The following ATRNL1 variants were observed in gnomAD, a reference collection of about 807,000 sequenced individuals.
ATRNL1 encodes the protein attractin-like protein 1.
ATRNL1 carries 95 observed loss-of-function variants against 182.7 expected under a neutral mutation model. The ratio of observed to expected loss-of-function variants is 0.52; its 90% confidence interval spans 0.44 to 0.62. The LOEUF is 0.62. ATRNL1 is among the 20% of genes least tolerant of loss of function. ATRNL1 has a pLI of 0.00. For synonymous variants in ATRNL1, 576 were observed against 568.3 expected (o/e 1.01, Z -0.19); for missense variants, 1,471 against 1,679.5 (o/e 0.88, Z 2.17).
In ATRNL1 at chr10:115,228,796, G is replaced by T. The variant is rs538692651; in HGVS notation, c.1533-12775G>T. Among the ~76,000 whole-genome samples the T allele has an allele frequency of 2.4e-5, 3 of 126,742 alleles. No individual in the cohort carries two copies. In the East Asian group the frequency reaches 6.7e-4, roughly 28 times the overall value. 83.1% of individuals were successfully genotyped at this position (126,742 alleles called of 152,430 possible). A position where few individuals can be genotyped will look rare whatever the true frequency, so the allele number is the denominator to read the frequency against. ...TTTTTTTTTTTTGAGATGAAGTTTC[G>T]CTCTTGTTTCCCAGGCTAGAGTGCA... On this transcript the variant is annotated intron_variant, in intron 9 of 28. Transcript: ENST00000355044.
At chr10:115,747,224 T>C (rs1948318114) in intron 27 of ATRNL1, among the ~76,000 whole-genome samples, 2 of 152,104 alleles carry the variant, frequency 1.3e-5, no homozygotes, top group African/African-American at 4.8e-5. Context: ...GGGTTCCAAT[T>C]CATTTCTATT....
chr10:115,409,548 A>G (rs1845029768), intron 20 of ATRNL1, among the ~76,000 whole-genome samples: 1 of 152,174 alleles, frequency 6.6e-6, no homozygotes. Context: ...TCCAATTTGG[A>G]TGCCTTTTAT....
At chr10:115,559,443 T>C (rs148463801) in intron 26 of ATRNL1, among the ~76,000 whole-genome samples, 2,700 of 77,810 alleles carry the variant, frequency 0.035, 51 homozygotes, top group East Asian at 0.092. Flanking sequence ...TGTGTGTGTG[T>C]GCGCGCGCGC....
intron 27 of ATRNL1, among the ~76,000 whole-genome samples, chr10:115,779,344 A>T (rs1221958892): frequency 6.6e-6 from 1 of 152,212 alleles, no homozygotes; most frequent in Non-Finnish European, 1.5e-5. Flanking sequence ...AGAAGTTAGG[A>T]CAGTGCTCTA....
chr10:115,539,542 A>G (rs1279951245), intron 25 of ATRNL1, among the ~76,000 whole-genome samples: 1 of 152,178 alleles, frequency 6.6e-6, no homozygotes, highest in Non-Finnish European at 1.5e-5. Context: ...GCAATTTGAA[A>G]CTTGGAAGTA....
intron 18 of ATRNL1, among the ~76,000 whole-genome samples, chr10:115,334,014 CT>C (rs1554935894): frequency 6.6e-6 from 1 of 152,072 alleles, no homozygotes; most frequent in African/African-American, 2.4e-5. Context: ...AGATTATTCC[CT>C]CTTTAGCTAT....
intron 16 of ATRNL1, among the ~76,000 whole-genome samples, chr10:115,301,157 G>A (rs150938737): frequency 2.0e-4 from 31 of 152,124 alleles, no homozygotes; most frequent in African/African-American, 6.0e-4. Context: ...GGATACTTGC[G>A]TTGCTTCTAC....
intron 26 of ATRNL1, among the ~76,000 whole-genome samples, chr10:115,698,829 C>G: frequency 6.6e-6 from 1 of 151,570 alleles, no homozygotes; most frequent in East Asian, 1.9e-4. Context: ...AGCAGCTATC[C>G]AGAAATGGCC....
chr10:115,795,617 T>G (rs1949635137), intron 27 of ATRNL1, among the ~76,000 whole-genome samples: 1 of 152,226 alleles, frequency 6.6e-6, no homozygotes, highest in Admixed American at 6.5e-5. Context: ...CTCAGGAAAC[T>G]TACAATCATG....
In ATRNL1 at chr10:115,619,059, C is replaced by T. The variant is rs143463655; in HGVS notation, c.3795+69523C>T. ...TTCTGTGACTGTACAGTAAGGTAGTCTTCATATGATTTCTTTGGCTGTAAT... is the reference window on the plus strand; with the variant it reads ...TTCTGTGACTGTACAGTAAGGTAGTTTTCATATGATTTCTTTGGCTGTAAT... On this transcript the variant is annotated intron_variant, in intron 26 of 28. Coordinates refer to ENST00000355044, the MANE Select transcript of ATRNL1 (RefSeq NM_207303.4). Among the ~76,000 whole-genome samples, 18 of 152,242 alleles carry T rather than the reference C, an allele frequency of 1.2e-4. No individual in the cohort carries two copies. In the East Asian group the frequency reaches 3.3e-3, roughly 28 times the overall value.
At chr10:115,106,682 CT>C (rs1844027720) in intron 1 of ATRNL1, among the ~76,000 whole-genome samples, 4 of 152,282 alleles carry the variant, frequency 2.6e-5, no homozygotes, top group Non-Finnish European at 5.9e-5. Context: ...GGTGTTTCTG[CT>C]TTTGCTTCTT....
intron 26 of ATRNL1, among the ~76,000 whole-genome samples, chr10:115,667,760 G>A (rs1555040141): frequency 6.6e-6 from 1 of 151,780 alleles, no homozygotes; most frequent in Non-Finnish European, 1.5e-5. Context: ...GGGCTCAAGT[G>A]ATCCTCCTAC....
In ATRNL1 at chr10:115,773,800, C is replaced by T. The variant is rs1949052875; in HGVS notation, c.3903+46445C>T. Among the ~76,000 whole-genome samples the T allele has an allele frequency of 2.0e-5, 3 of 152,090 alleles. No individual in the cohort carries two copies. The South Asian group carries it at 6.2e-4, about 32-fold the overall frequency. On this transcript the variant is annotated intron_variant, in intron 27 of 28. Transcript: ENST00000355044. ...AATATTTTGGCTTGTAAATGCTCAACACAAATATTAATACCAAAAATTCAA... is the reference window on the plus strand; with the variant it reads ...AATATTTTGGCTTGTAAATGCTCAATACAAATATTAATACCAAAAATTCAA...
chr10:115,485,395 A>C (rs1554974938), intron 24 of ATRNL1, among the ~76,000 whole-genome samples: 2 of 152,056 alleles, frequency 1.3e-5, no homozygotes, highest in Non-Finnish European at 2.9e-5. Flanking sequence ...TAATGTAAAC[A>C]TGATGTTTTG....
intron 19 of ATRNL1, among the ~76,000 whole-genome samples, chr10:115,380,741 A>T (rs1554950845): frequency 6.6e-6 from 1 of 152,182 alleles, no homozygotes; most frequent in East Asian, 1.9e-4. Context: ...ATTCAATTAT[A>T]ATATCCAATT....
At chr10:115,919,690 C>T (rs1267150763) in intron 28 of ATRNL1, among the ~76,000 whole-genome samples, 2 of 151,976 alleles carry the variant, frequency 1.3e-5, no homozygotes, top group Non-Finnish European at 2.9e-5. Flanking sequence ...TGGGCTGTTA[C>T]AACAAAAACA....
intron 5 of ATRNL1, among the ~76,000 whole-genome samples, chr10:115,150,555 G>A (rs1846176200): frequency 6.6e-6 from 1 of 151,938 alleles, no homozygotes; most frequent in East Asian, 1.9e-4. Context: ...GTTTCAAAAA[G>A]TTTTTTTATT....
rs9730807 is a variant in ATRNL1, at chr10:115,630,875, T to C, written c.3795+81339T>C. Among the ~76,000 whole-genome samples, 1,110 of 112,224 alleles carry C rather than the reference T, an allele frequency of 9.9e-3. 9 individuals carry two copies. Among genetic ancestry groups the C allele is most frequent in the Non-Finnish European group, 0.015 (716 of 49,330 alleles). 73.6% of individuals were successfully genotyped at this position (112,224 alleles called of 152,430 possible). A position where few individuals can be genotyped will look rare whatever the true frequency, so the allele number is the denominator to read the frequency against. On this transcript the variant is annotated intron_variant, in intron 26 of 28. Transcript: ENST00000355044. ...ACACACACACACACACACACACACA[T>C]TGGAATTTTTTCAGCCTTAAAAAAG...
At chr10:115,649,650 A>G (rs1593007550) in intron 26 of ATRNL1, among the ~76,000 whole-genome samples, 1 of 152,296 alleles carries the variant, frequency 6.6e-6, no homozygotes, top group East Asian at 1.9e-4. Context: ...TTATTGTAAA[A>G]GGCACTTTGC....
Sources: gnomAD v4.1 joint callset for allele counts (sites outside exome capture counted in the v4.1 genomes callset) on GRCh38, gnomAD v4.1.1 for gene constraint, MANE v1.5 for transcripts, NCBI Gene and HGNC (gene_info 2026-07-23, HGNC 2026-07-21) for gene names.